LRRC37A2: variants seen among roughly 807,000 people sequenced by gnomAD.
LRRC37A2 encodes leucine rich repeat containing 37 member A2.
LRRC37A2 carries 9 observed loss-of-function variants against 68.8 expected under a neutral mutation model. The observed-to-expected ratio is 0.13, with a 90% confidence interval of 0.08 to 0.23. The LOEUF (loss-of-function observed/expected upper bound fraction) is 0.23, where lower values mean the gene tolerates loss of function less well. Among genes scored for constraint, LRRC37A2 ranks in the 10% least tolerant of loss-of-function variants. LRRC37A2 has a pLI of 1.00. For missense variants in LRRC37A2, 168 were observed against 950.4 expected (o/e 0.18, Z 10.82); for synonymous variants, 63 against 367.6 (o/e 0.17, Z 9.48).
the LRRC37A2 span, among the ~76,000 whole-genome samples, chr17:47,033,630 A>G: frequency 6.6e-6 from 1 of 152,198 alleles, no homozygotes; most frequent in East Asian, 1.9e-4. Context: ...TAAGACAGTG[A>G]TGACATGCTC....
the LRRC37A2 span, chr17:46,751,729 T>C: frequency 8.2e-6 from 5 of 612,890 alleles, no homozygotes; most frequent in Non-Finnish European, 1.4e-5. Flanking sequence ...TTGATTTTCT[T>C]ATATTATTTC....
At chr17:46,974,706 C>T in the LRRC37A2 span, among the ~76,000 whole-genome samples, 66 of 150,070 alleles carry the variant, frequency 4.4e-4, 1 homozygote, top group East Asian at 0.011. Context: ...TGCACTCCAG[C>T]CTGGGGGACA....
At chr17:46,694,265 T>C in the LRRC37A2 span, among the ~76,000 whole-genome samples, 1 of 137,988 alleles carries the variant, frequency 7.2e-6, no homozygotes, top group South Asian at 2.2e-4. Context: ...TGTGCACCTG[T>C]AATTCCAGCT....
chr17:46,876,102 G>A, the LRRC37A2 span: 1 of 753,838 alleles, frequency 1.3e-6, no homozygotes, highest in Admixed American at 2.9e-5. Flanking sequence ...AGAACTCCAG[G>A]CCAAGGGGAG....
the LRRC37A2 span, among the ~76,000 whole-genome samples, chr17:46,891,897 T>G: frequency 5.7e-5 from 7 of 123,054 alleles, no homozygotes; most frequent in African/African-American, 2.4e-4. Flanking sequence ...ACTCTTTTTT[T>G]CTTTTCTTTT....
At chr17:46,528,031 TCTTA>T (rs1377673434) in intron 6 of LRRC37A2, among the ~76,000 whole-genome samples, 1 of 127,306 alleles carries the variant, frequency 7.9e-6, no homozygotes, top group Non-Finnish European at 1.7e-5. Flanking sequence ...GTGCATTGTA[TCTTA>T]CTTTCTAACT....
the LRRC37A2 span, among the ~76,000 whole-genome samples, chr17:46,934,436 T>TG: frequency 6.6e-6 from 1 of 151,948 alleles, no homozygotes; most frequent in African/African-American, 2.4e-5. Context: ...GTGGGAGAAT[T>TG]GTTTGAGTCC....
chr17:46,553,018 G>A (rs1391511245), intron 11 of LRRC37A2, among the ~76,000 whole-genome samples: 10 of 143,274 alleles, frequency 7.0e-5, no homozygotes, highest in Admixed American at 2.8e-4. Context: ...TCGTGACACC[G>A]CACTCCATCC....
chr17:46,817,948 G>C, the LRRC37A2 span, among the ~76,000 whole-genome samples: 2 of 152,054 alleles, frequency 1.3e-5, no homozygotes, highest in Non-Finnish European at 2.9e-5. Flanking sequence ...GATGAATCTA[G>C]AGCGGTGGGG....
At chr17:46,678,917 A>G in the LRRC37A2 span, among the ~76,000 whole-genome samples, 53 of 144,834 alleles carry the variant, frequency 3.7e-4, 1 homozygote, top group African/African-American at 1.3e-3. Flanking sequence ...TGGATGAATG[A>G]TCATAGAAAT....
the LRRC37A2 span, among the ~76,000 whole-genome samples, chr17:46,904,481 GAT>G: frequency 1.1e-4 from 17 of 149,524 alleles, no homozygotes; most frequent in African/African-American, 3.4e-4. Context: ...TGGATGGATG[GAT>G]GGATGGATGG....
the LRRC37A2 span, among the ~76,000 whole-genome samples, chr17:46,925,052 C>G: frequency 1.3e-5 from 2 of 152,136 alleles, no homozygotes. Context: ...AATGGTACCC[C>G]AAACAAGGTG....
the LRRC37A2 span, among the ~76,000 whole-genome samples, chr17:46,789,898 C>T: frequency 6.6e-6 from 1 of 152,232 alleles, no homozygotes; most frequent in Non-Finnish European, 1.5e-5. Context: ...ATTCCACTCT[C>T]TACCTTTCAA....
At chr17:46,789,817 G>A in the LRRC37A2 span, among the ~76,000 whole-genome samples, 50 of 152,350 alleles carry the variant, frequency 3.3e-4, no homozygotes, top group South Asian at 2.1e-4. Context: ...AGATGCGCAC[G>A]CAGGAGGCAG....
chr17:47,015,134 A>C, the LRRC37A2 span, among the ~76,000 whole-genome samples: 2 of 148,112 alleles, frequency 1.4e-5, no homozygotes, highest in Non-Finnish European at 3.0e-5. Flanking sequence ...CAGCCTCCTG[A>C]GTAGCTGGGA....
chr17:46,823,204 AT>A, the LRRC37A2 span, among the ~76,000 whole-genome samples: 1 of 131,550 alleles, frequency 7.6e-6, no homozygotes, highest in African/African-American at 3.0e-5. Context: ...ATATTTATAT[AT>A]AATATATTAT....
the LRRC37A2 span, among the ~76,000 whole-genome samples, chr17:46,657,984 T>TTTA: frequency 1.4e-4 from 9 of 64,922 alleles, no homozygotes; most frequent in Non-Finnish European, 2.4e-4. Flanking sequence ...TTTTTTTTTT[T>TTTA]GGCGGGGTGG....
the LRRC37A2 span, among the ~76,000 whole-genome samples, chr17:46,871,460 C>T: frequency 2.0e-3 from 310 of 152,226 alleles, no homozygotes; most frequent in Non-Finnish European, 3.9e-3. Context: ...CCTCGTAAAT[C>T]CTTTGTTTCC....
the LRRC37A2 span, among the ~76,000 whole-genome samples, chr17:46,782,344 A>G: frequency 6.6e-6 from 1 of 152,024 alleles, no homozygotes; most frequent in Non-Finnish European, 1.5e-5. Context: ...TCCTGTGGTC[A>G]TTTTTCTCTC....
Sources: gnomAD v4.1 joint callset for allele counts (sites outside exome capture counted in the v4.1 genomes callset) on GRCh38, gnomAD v4.1.1 for gene constraint, MANE v1.5 for transcripts, NCBI Gene and HGNC (gene_info 2026-07-23, HGNC 2026-07-21) for gene names.